The following RBFOX3 variants were observed in gnomAD, a reference collection of about 807,000 sequenced individuals.
The protein encoded by RBFOX3 is RNA binding protein fox-1 homolog 3.
A neutral mutation model predicts 48.7 loss-of-function variants in RBFOX3; 17 were observed. The observed-to-expected ratio is 0.35, with a 90% CI of 0.24 to 0.52. The LOEUF (loss-of-function observed/expected upper bound fraction) is 0.52. RBFOX3 is among the 20% of genes least tolerant of loss of function. RBFOX3 has a pLI of 0.94. For synonymous variants in RBFOX3, 212 were observed against 209.5 expected (o/e 1.01, Z -0.10); for missense variants, 382 against 497.5 (o/e 0.77, Z 2.21).
At chr17:79,582,651 G>T (rs1004195285) in intron 1 of RBFOX3, among the ~76,000 whole-genome samples, 11 of 151,948 alleles carry the variant, frequency 7.2e-5, no homozygotes, top group Non-Finnish European at 2.9e-5. Context: ...TACAAAATTA[G>T]CTAGGCATAG....
At chr17:79,378,870 A>G (rs1393725847) in intron 2 of RBFOX3, among the ~76,000 whole-genome samples, 1 of 152,204 alleles carries the variant, frequency 6.6e-6, no homozygotes. Flanking sequence ...ACAGCCGCAC[A>G]GTGGGTACAG....
At chr17:79,161,698 C>T (rs1029451869) in intron 4 of RBFOX3, among the ~76,000 whole-genome samples, 1 of 152,178 alleles carries the variant, frequency 6.6e-6, no homozygotes. Context: ...CGGGTTCAAG[C>T]GATTCTCCTG....
intron 1 of RBFOX3, among the ~76,000 whole-genome samples, chr17:79,487,395 G>T (rs1469268021): frequency 3.9e-5 from 6 of 152,234 alleles, no homozygotes; most frequent in African/African-American, 1.4e-4. Context: ...TGCTGCAGAG[G>T]CCGGGTGGCG....
chr17:79,273,541 T>C (rs2068119376), intron 3 of RBFOX3, among the ~76,000 whole-genome samples: 1 of 112,844 alleles, frequency 8.9e-6, no homozygotes, highest in African/African-American at 3.3e-5. Flanking sequence ...AGGCTTAGCT[T>C]GGCAGGCTAT....
chr17:79,158,232 C>G (rs1429703632), intron 4 of RBFOX3, among the ~76,000 whole-genome samples: 1 of 152,200 alleles, frequency 6.6e-6, no homozygotes, highest in Non-Finnish European at 1.5e-5. Flanking sequence ...CCTCAAACTC[C>G]CAGCCTTCAG....
In RBFOX3 at chr17:79,363,707, G is replaced by A. The variant is rs1257112624; in HGVS notation, c.-174-55883C>T. Among the ~76,000 whole-genome samples, 1 of 151,780 alleles carries A rather than the reference G, an allele frequency of 6.6e-6. No homozygotes were observed. Among genetic ancestry groups the A allele is most frequent in the Non-Finnish European group, 1.5e-5 (1 of 67,934 alleles). On this transcript the variant is annotated intron_variant, in intron 2 of 14. Coordinates refer to ENST00000693108, the MANE Select transcript of RBFOX3 (RefSeq NM_001350451.2). This position sits in a 1 kb window ranked among gnomAD's most constrained non-coding sequence, Gnocchi z 4.7. Reference sequence around the variant, plus strand: ...CAGGTGTTTCAGGGACCTCCGACACGCCTCCAGAGCCCCCAACACCTCCAG... The same window carrying A: ...CAGGTGTTTCAGGGACCTCCGACACACCTCCAGAGCCCCCAACACCTCCAG...
chr17:79,143,240 C>T (rs1004141500), intron 4 of RBFOX3, among the ~76,000 whole-genome samples: 7 of 152,220 alleles, frequency 4.6e-5, no homozygotes, highest in South Asian at 2.1e-4. Flanking sequence ...CCAGCTCGCC[C>T]GAGTCCACCC....
At chr17:79,591,845 G>GT (rs2093425747) in intron 1 of RBFOX3, among the ~76,000 whole-genome samples, 3 of 151,108 alleles carry the variant, frequency 2.0e-5, no homozygotes, top group Non-Finnish European at 4.4e-5. Flanking sequence ...TGTGTGGAGG[G>GT]GTGTGCACGT....
rs34738864 is a variant in RBFOX3 at position 79,359,733 on chromosome 17, ATT to A, written c.-174-51911_-174-51910del. Among the ~76,000 whole-genome samples the A allele has an allele frequency of 3.7e-3, 555 of 148,306 alleles. 4 individuals carry two copies. The highest frequency in any genetic ancestry group is 0.012 in the African/African-American group (497 of 40,288). Reference sequence around the variant, plus strand: ...TCTCCTGCACTTCGTAATTTGGGTCATTTTTTTTTTTTGAGATAGGGTCTCAC... The same window carrying A: ...TCTCCTGCACTTCGTAATTTGGGTCATTTTTTTTTTGAGATAGGGTCTCAC... On this transcript the variant is annotated intron_variant, in intron 2 of 14. Transcript: ENST00000693108.
intron 1 of RBFOX3, among the ~76,000 whole-genome samples, chr17:79,483,180 T>C (rs1193131397): frequency 6.6e-6 from 1 of 152,028 alleles, no homozygotes; most frequent in Non-Finnish European, 1.5e-5. Flanking sequence ...CTTCTGTGAT[T>C]TGGGGACTTC....
In RBFOX3 at chr17:79,505,946, C is replaced by G. The variant is rs2083052114; in HGVS notation, c.-319-23348G>C. ...GAGGAAGCAAAGGCTAAGAGCATAA[C>G]TGGCCCAAGGTCACAGCCCTCCTAA... On this transcript the variant is annotated intron_variant, in intron 1 of 14. Transcript: ENST00000693108. 2.0e-5 allele frequency among the ~76,000 whole-genome samples: 3 copies of G among 152,344 alleles called. No homozygotes were observed. In the South Asian group the frequency reaches 6.2e-4, roughly 32 times the overall value.
intron 2 of RBFOX3, among the ~76,000 whole-genome samples, chr17:79,453,955 C>T (rs797035129): frequency 6.6e-6 from 1 of 152,136 alleles, no homozygotes; most frequent in Non-Finnish European, 1.5e-5. Context: ...GGACAGCAGG[C>T]CATGACCTGG....
At chr17:79,136,053 G>A (rs957030769) in intron 4 of RBFOX3, 2 of 152,308 alleles carry the variant, frequency 1.3e-5, no homozygotes, top group African/African-American at 4.8e-5. Flanking sequence ...CTGTACATCT[G>A]GACGGGTGAA....
intron 2 of RBFOX3, among the ~76,000 whole-genome samples, chr17:79,430,834 C>G (rs2068301648): frequency 6.6e-6 from 1 of 152,184 alleles, no homozygotes; most frequent in Non-Finnish European, 1.5e-5. Flanking sequence ...CGTGAGCCAC[C>G]ACACCCGCCC....
chr17:79,586,256 C>G (rs2093246469), intron 1 of RBFOX3, among the ~76,000 whole-genome samples: 1 of 152,184 alleles, frequency 6.6e-6, no homozygotes, highest in Non-Finnish European at 1.5e-5. Flanking sequence ...TCCCGGGACC[C>G]AGGCACGGAC....
chr17:79,611,169 T>TCTCTCTCTCTCTCTCTCTCTCGCTCTCG, upstream of RBFOX3, among the ~76,000 whole-genome samples: 95 of 25,920 alleles, frequency 3.7e-3, 16 homozygotes, highest in Non-Finnish European at 5.2e-3. Context: ...TCTCTCTCTC[T>TCTCTCTCTCTCTCTCTCTCTCGCTCTCG]CTCTCCGCCC....
At chr17:79,109,049 C>T (rs909455676) in intron 5 of RBFOX3, among the ~76,000 whole-genome samples, 8 of 152,392 alleles carry the variant, frequency 5.2e-5, no homozygotes, top group Middle Eastern at 3.4e-3. Flanking sequence ...TCTCAGCAGA[C>T]GCGCCATGTG....
At chr17:79,234,443 C>G (rs2061395565) in intron 4 of RBFOX3, 1 of 152,146 alleles carries the variant, frequency 6.6e-6, no homozygotes, top group Non-Finnish European at 1.5e-5. Flanking sequence ...AAAAGAGTGC[C>G]CAACTTTTCT....
intron 4 of RBFOX3, among the ~76,000 whole-genome samples, chr17:79,230,573 C>A (rs1349321944): frequency 1.3e-5 from 2 of 152,140 alleles, no homozygotes; most frequent in Non-Finnish European, 2.9e-5. Flanking sequence ...TTATTCTTTA[C>A]AATCAAAATG....
Sources: gnomAD v4.1 joint callset for allele counts (sites outside exome capture counted in the v4.1 genomes callset) on GRCh38, gnomAD v4.1.1 for gene constraint, Gnocchi (gnomAD v3.1) non-coding constraint, MANE v1.5 for transcripts, NCBI Gene and HGNC (gene_info 2026-07-23, HGNC 2026-07-21) for gene names.